RYR1: variants seen among roughly 807,000 people sequenced by gnomAD.
RYR1 encodes central core disease of muscle.
In RYR1, 342 loss-of-function variants were observed where a neutral mutation model predicts 583.5. The ratio of observed to expected loss-of-function variants is 0.59; its 90% CI spans 0.54 to 0.64. RYR1 has a LOEUF of 0.64. RYR1 is among the 30% of genes least tolerant of loss of function. The probability of loss-of-function intolerance (pLI) is 0.00; values close to 1 mark genes in which losing one functional copy is unlikely to be tolerated. For missense variants in RYR1, 6,032 were observed against 6,917.2 expected, an observed-to-expected ratio of 0.87 and a Z score of 4.54; for synonymous variants, 2,791 against 2,822.5, an observed-to-expected ratio of 0.99 and a Z score of 0.35.
intron 39 of RYR1, among the ~76,000 whole-genome samples, chr19:38,495,704 G>C (rs376644185): frequency 2.5e-4 from 38 of 152,096 alleles, no homozygotes; most frequent in African/African-American, 8.0e-4. Context: ...GCCTGCCTTG[G>C]GTGCACGCCT....
At chr19:38,480,225 C>T (rs1432397422) in intron 31 of RYR1, among the ~76,000 whole-genome samples, 1 of 152,086 alleles carries the variant, frequency 6.6e-6, no homozygotes, top group Non-Finnish European at 1.5e-5. Flanking sequence ...TCATTGCAAC[C>T]TCTGCCTCCC....
At position 38,505,397 on chromosome 19, in the gene RYR1, A is replaced by G. The variant is rs1390973144; in HGVS notation, c.8399A>G (p.Lys2800Arg). The G allele has an allele frequency of 6.2e-7, 1 of 1,604,776 alleles. No individual in the cohort carries two copies. Among genetic ancestry groups the G allele is most frequent in the African/African-American group, 1.3e-5 (1 of 74,838 alleles). ...MLRPYKTFSE[K>R]DKEIYRWPIK... ...AGGCCCTACAAGACCTTTTCAGAGA[A>G]GGTGACCAGGCCTTGGGGCCCAGCA... Residue 2800 changes from lysine (K) to arginine (R), a missense_variant and splice_region_variant, in exon 53 of 106, where the codon AAG becomes AGG. Around this residue, in one of 11 missense-constraint regions of RYR1, gnomAD observed 1,493 missense variants for 1,715.5 expected, o/e 0.87. Coordinates refer to ENST00000359596, the MANE Select transcript of RYR1 (RefSeq NM_000540.3).
Position 38,512,504 on chromosome 19 carries a change from G to T in RYR1, c.9472+21G>T. The T allele has an allele frequency of 6.2e-7, 1 of 1,604,302 alleles. No individual in the cohort carries two copies. Among genetic ancestry groups the T allele is most frequent in the Non-Finnish European group, 8.5e-7 (1 of 1,178,676 alleles). ...CATCCGTAAGGGCGCCTGACCCAAG[G>T]GCAGGTTGCGGGGAGTCAGTGTGGC... On this transcript the variant is annotated intron_variant, in intron 63 of 105. Transcript: ENST00000359596. The surrounding 1 kb of genome is among the most constrained non-coding windows in gnomAD (Gnocchi z 5.1).
rs758176619 is a variant in RYR1 at position 38,464,734 on chromosome 19, C to A, written c.2870+12C>A. On this transcript the variant is annotated intron_variant, in intron 23 of 105. Coordinates refer to ENST00000359596, the MANE Select transcript of RYR1 (RefSeq NM_000540.3). ...AAACTCCCCAAGACGTGAGTGTGGG[C>A]AGCCAGGTCCCGTCTGGGGATGGAC... 6.4e-7 allele frequency: 1 copy of A among 1,567,544 alleles called. No individual in the cohort carries two copies. Among genetic ancestry groups the A allele is most frequent in the South Asian group, 1.2e-5 (1 of 85,270 alleles).
chr19:38,457,830 CTCTA>C (rs1194246851), intron 17 of RYR1, among the ~76,000 whole-genome samples, 200 bp downstream of exon 17: 2 of 152,116 alleles, frequency 1.3e-5, no homozygotes, highest in African/African-American at 2.4e-5. Context: ...CCATTTCTGC[CTCTA>C]TCTGTTTCTC....
chr19:38,542,692 A>AT (rs1227465161), intron 84 of RYR1, among the ~76,000 whole-genome samples: 15 of 149,770 alleles, frequency 1.0e-4, no homozygotes, highest in South Asian at 2.1e-4. Flanking sequence ...CTAATTTTGT[A>AT]TTTTTTTTAG....
intron 31 of RYR1, among the ~76,000 whole-genome samples, chr19:38,479,322 C>T (rs1291666920): frequency 6.6e-6 from 1 of 152,226 alleles, no homozygotes; most frequent in African/African-American, 2.4e-5. Flanking sequence ...CACATATTCA[C>T]CTACCTGTCC....
intron 38 of RYR1, 58 bp from the exon 39 acceptor site, chr19:38,494,294 C>T: frequency 6.2e-7 from 1 of 1,605,516 alleles, no homozygotes; most frequent in Non-Finnish European, 8.5e-7. Context: ...TGGTCCAAGG[C>T]CCCATGTGCC....
chr19:38,472,741 G>A (rs753059772), intron 27 of RYR1, among the ~76,000 whole-genome samples: 3 of 150,472 alleles, frequency 2.0e-5, no homozygotes, highest in African/African-American at 2.4e-5. Flanking sequence ...AGCCAGGCGT[G>A]TTGGCTCATG....
chr19:38,570,434 A>G (rs1973662939), intron 93 of RYR1, among the ~76,000 whole-genome samples, 173 bp from the exon 94 acceptor site: 1 of 152,166 alleles, frequency 6.6e-6, no homozygotes, highest in East Asian at 1.9e-4. Context: ...CCTGGACGAC[A>G]GAGCAAGACT....
At chr19:38,514,982 G>A (rs1186511370) in intron 63 of RYR1, 44 bp from the exon 64 acceptor site, 2 of 1,426,276 alleles carry the variant, frequency 1.4e-6, no homozygotes, top group South Asian at 2.3e-5. Flanking sequence ...GGGAGGGCTT[G>A]TCTTGTGAGC....
chr19:38,557,995 ATAC>A (rs1972953931), intron 89 of RYR1, among the ~76,000 whole-genome samples: 1 of 151,922 alleles, frequency 6.6e-6, no homozygotes, highest in African/African-American at 2.4e-5. Flanking sequence ...AAATAAAATA[ATAC>A]AATAAAATAT....
Position 38,581,799 on chromosome 19 carries a change from G to C in RYR1, c.14646+1295G>C, listed in dbSNP as rs532950562. Among the ~76,000 whole-genome samples, 3 of 150,486 alleles carry C rather than the reference G, an allele frequency of 2.0e-5. No homozygotes were observed. In the South Asian group the frequency reaches 6.3e-4, roughly 32 times the overall value. On this transcript the variant is annotated intron_variant, in intron 101 of 105. Coordinates refer to ENST00000359596, the MANE Select transcript of RYR1 (RefSeq NM_000540.3). ...TTTTTAGTAGAGATGGAGGTGGGGG[G>C]GTCTCACAATGTTGGCCAGGCTTGT...
Position 38,466,266 on chromosome 19 carries a change from C to T in RYR1, c.3046C>T (p.Arg1016Ter), listed in dbSNP as rs759085500. The change falls in exon 24 of 106, where the codon CGA becomes TGA. Residue 1016 changes from arginine to a stop codon, truncating the protein, a stop_gained. Coordinates refer to ENST00000359596, the MANE Select transcript of RYR1 (RefSeq NM_000540.3). LOFTEE classifies it high-confidence loss of function. Reference sequence around the variant, plus strand: ...CGCAGTGCAGGACATCCCAGCGCGCCGAAACCCTCGGCTGGTGCCCTACCG... The same window carrying T: ...CGCAGTGCAGGACATCCCAGCGCGCTGAAACCCTCGGCTGGTGCCCTACCG... ...YSAVQDIPAR[R>*]NPRLVPYRLL... 1.2e-5 allele frequency: 20 copies of T among 1,612,976 alleles called. No individual in the cohort carries two copies. Among genetic ancestry groups the T allele is most frequent in the Non-Finnish European group, 1.7e-5 (20 of 1,179,912 alleles).
intron 105 of RYR1, 118 bp from the exon 106 acceptor site, chr19:38,587,207 G>A (rs1401566963): frequency 2.8e-6 from 2 of 724,314 alleles, no homozygotes; most frequent in Non-Finnish European, 4.9e-6. Flanking sequence ...AGCTGTGATT[G>A]TCGCCACTGC....
At chr19:38,475,239 G>A in intron 28 of RYR1, 79 bp from the exon 29 acceptor site, 4 of 1,540,450 alleles carry the variant, frequency 2.6e-6, no homozygotes, top group Non-Finnish European at 2.6e-6. Flanking sequence ...ATCCAAGCTG[G>A]ATGTGGGGGC....
At chr19:38,514,983 T>C in intron 63 of RYR1, 43 bp from the exon 64 acceptor site, 3 of 1,432,626 alleles carry the variant, frequency 2.1e-6, no homozygotes, top group Non-Finnish European at 2.0e-6. Context: ...GGAGGGCTTG[T>C]CTTGTGAGCG....
Position 38,528,293 on chromosome 19 carries a change from A to C in RYR1, c.10825-13A>C. ...GGTCTGGGGATGTGACTGTCCTGCTATCCCCTCCCCAGACCGAGCACCCTT... is the reference window on the plus strand; with the variant it reads ...GGTCTGGGGATGTGACTGTCCTGCTCTCCCCTCCCCAGACCGAGCACCCTT... On this transcript the variant is annotated splice_polypyrimidine_tract_variant and intron_variant, in intron 73 of 105. Coordinates refer to ENST00000359596, the MANE Select transcript of RYR1 (RefSeq NM_000540.3). The C allele has an allele frequency of 1.9e-6, 3 of 1,609,482 alleles. No homozygotes were observed. Among genetic ancestry groups the C allele is most frequent in the Non-Finnish European group, 2.6e-6 (3 of 1,176,008 alleles).
Position 38,586,522 on chromosome 19 carries a change from C to T in RYR1, c.14970-3C>T. 6.2e-7 allele frequency: 1 copy of T among 1,614,050 alleles called. No homozygotes were observed. The highest frequency in any genetic ancestry group is 1.3e-5 in the African/African-American group (1 of 75,042). On this transcript the variant is annotated splice_region_variant and splice_polypyrimidine_tract_variant and intron_variant, in intron 104 of 105. Coordinates refer to ENST00000359596, the MANE Select transcript of RYR1 (RefSeq NM_000540.3). Reference sequence around the variant, plus strand: ...TTGTCTCCTGTGGTCCTCTCACCCTCAGGTTTTTCCTGATGTATTTGATAA... The same window carrying T: ...TTGTCTCCTGTGGTCCTCTCACCCTTAGGTTTTTCCTGATGTATTTGATAA...
Sources: allele counts gnomAD v4.1 joint callset (sites outside exome capture counted in the v4.1 genomes callset), GRCh38; gene constraint gnomAD v4.1.1; regional missense constraint gnomAD v4.1.1; non-coding constraint Gnocchi (gnomAD v3.1); transcripts MANE v1.5; gene names NCBI Gene and HGNC (gene_info 2026-07-23, HGNC 2026-07-21).